PIEZO2: variants seen among roughly 807,000 people sequenced by gnomAD.
The protein encoded by PIEZO2 is piezo type mechanosensitive ion channel component 2.
Under a neutral mutation model 337.3 loss-of-function variants are expected in PIEZO2, and 172 were observed. The ratio of observed to expected loss-of-function variants is 0.51; its 90% CI spans 0.45 to 0.58. The LOEUF (loss-of-function observed/expected upper bound fraction) is 0.58. Ranked by LOEUF, PIEZO2 falls within the 20% of genes least tolerant of loss-of-function variation. The probability of loss-of-function intolerance (pLI) is 0.00; values close to 1 mark genes in which losing one functional copy is unlikely to be tolerated. For synonymous variants in PIEZO2, 1,251 were observed against 1,228.5 expected (o/e 1.02, Z -0.38); for missense variants, 3,028 against 3,391.3 (o/e 0.89, Z 2.66).
rs546753267 is a variant in PIEZO2 at position 10,671,273 on chromosome 18, C to T, written c.*254G>A. 37 of 350,698 alleles carry T rather than the reference C, an allele frequency of 1.1e-4. No homozygotes were observed. Among genetic ancestry groups the T allele is most frequent in the African/African-American group, 3.4e-4 (16 of 47,212 alleles). 21.7% of individuals were successfully genotyped at this position (350,698 alleles called of 1,614,324 possible). On this transcript the variant is annotated 3_prime_UTR_variant, in exon 56 of 56. Transcript: ENST00000674853. ...TTCCTTCACATGATCAATCAGAATG[C>T]GAGACACTGTTGACTAAAACATAAA...
chr18:11,111,115 T>C lies in PIEZO2; in HGVS notation c.64+37410A>G, dbSNP rs909266603. On this transcript the variant is annotated intron_variant, in intron 1 of 55. Coordinates refer to ENST00000674853, the MANE Select transcript of PIEZO2 (RefSeq NM_001378183.1). This position sits in a 1 kb window ranked among gnomAD's most constrained non-coding sequence, Gnocchi z 6.2. The stretch of plus-strand genomic sequence containing the variant: ...AGGTGCCTGCCTCAGTGCCTACAGA[T>C]GCTTCTTCAGGCCCAGGAGCAGGAG... 6.6e-6 allele frequency among the ~76,000 whole-genome samples: 1 copy of C among 152,270 alleles called. No individual in the cohort carries two copies. The highest frequency in any genetic ancestry group is 1.5e-5 in the Non-Finnish European group (1 of 68,004).
At chr18:10,695,995 T>C (rs2035063356) in intron 47 of PIEZO2, 79 bp downstream of exon 47, 5 of 1,354,400 alleles carry the variant, frequency 3.7e-6, no homozygotes, top group Admixed American at 1.7e-5. Context: ...AGTTCTGCTG[T>C]GCAATGCATG....
intron 4 of PIEZO2, among the ~76,000 whole-genome samples, chr18:10,887,072 T>TTTC (rs1424291972): frequency 7.3e-6 from 1 of 136,866 alleles, no homozygotes; most frequent in East Asian, 2.0e-4. Context: ...ACACTTTTTT[T>TTTC]TTTTTTTTTT....
In PIEZO2 at chr18:10,696,380, G is replaced by T. The variant is rs1363496357; in HGVS notation, c.6975+12C>A. ...GGTCAGGGCGGGTGCTGTGGCCTTTGCCCCAACCTACCCCAAAGGCCCAAA... is the reference window on the plus strand; with the variant it reads ...GGTCAGGGCGGGTGCTGTGGCCTTTTCCCCAACCTACCCCAAAGGCCCAAA... On this transcript the variant is annotated intron_variant, in intron 46 of 55. Coordinates refer to ENST00000674853, the MANE Select transcript of PIEZO2 (RefSeq NM_001378183.1). 1.9e-6 allele frequency: 3 copies of T among 1,614,068 alleles called. No individual in the cohort carries two copies. The highest frequency in any genetic ancestry group is 1.3e-5 in the African/African-American group (1 of 74,928).
Position 10,795,349 on chromosome 18 carries a change from T to A in PIEZO2, c.1528-347A>T, listed in dbSNP as rs947412418. Among the ~76,000 whole-genome samples the A allele has an allele frequency of 0.025, 118 of 4,808 alleles. No homozygotes were observed. The highest frequency in any genetic ancestry group is 0.033 in the Non-Finnish European group (69 of 2,092). The allele number at this position is 4,808 out of a possible 152,430, so 3.2% of individuals were successfully genotyped here. On this transcript the variant is annotated intron_variant, in intron 12 of 55. Transcript: ENST00000674853. This position sits in a 1 kb window ranked among gnomAD's most constrained non-coding sequence, Gnocchi z 4.4. ...TTATTTTATTTTATTTTATTTTATT[T>A]TATTATTTTATTTTATTTTATTTTA...
At chr18:11,100,660 G>GA (rs2039385865) in intron 1 of PIEZO2, among the ~76,000 whole-genome samples, 1 of 152,026 alleles carries the variant, frequency 6.6e-6, no homozygotes, top group Non-Finnish European at 1.5e-5. Flanking sequence ...CAGTGGCACA[G>GA]TTTTGGCTCA....
chr18:11,059,289 C>G (rs1017125978), intron 2 of PIEZO2, among the ~76,000 whole-genome samples: 1 of 152,202 alleles, frequency 6.6e-6, no homozygotes, highest in South Asian at 2.1e-4. Flanking sequence ...CCAGTACCAG[C>G]CACTGCAAAA....
intron 8 of PIEZO2, among the ~76,000 whole-genome samples, chr18:10,805,829 G>C (rs552231312): frequency 6.6e-6 from 1 of 152,340 alleles, no homozygotes; most frequent in South Asian, 2.1e-4. Flanking sequence ...TGAGATGGGG[G>C]GGAGGTAGCA....
At chr18:10,720,234 G>GCGTGTATATA (rs1555631512) in intron 36 of PIEZO2, among the ~76,000 whole-genome samples, 8 of 119,918 alleles carry the variant, frequency 6.7e-5, no homozygotes, top group African/African-American at 2.7e-4. Flanking sequence ...GTGTGTGTGT[G>GCGTGTATATA]TATATATATA....
rs2041065632 is a variant in PIEZO2 at position 10,837,845 on chromosome 18, A to T, written c.917+17508T>A. Among the ~76,000 whole-genome samples the T allele has an allele frequency of 6.6e-6, 1 of 152,030 alleles. No individual in the cohort carries two copies. The highest frequency in any genetic ancestry group is 1.5e-5 in the Non-Finnish European group (1 of 68,000). On this transcript the variant is annotated intron_variant, in intron 7 of 55. Coordinates refer to ENST00000674853, the MANE Select transcript of PIEZO2 (RefSeq NM_001378183.1). This position sits in a 1 kb window ranked among gnomAD's most constrained non-coding sequence, Gnocchi z 4.4. ...CAGCTCACTGCAACCTCCACCTCCCAGGTTCAAGTGATTCTCCTGCCTCAG... is the reference window on the plus strand; with the variant it reads ...CAGCTCACTGCAACCTCCACCTCCCTGGTTCAAGTGATTCTCCTGCCTCAG...
chr18:10,748,424 A>T lies in PIEZO2; in HGVS notation c.4424+47T>A. The T allele has an allele frequency of 1.3e-6, 2 of 1,514,168 alleles. No homozygotes were observed. Among genetic ancestry groups the T allele is most frequent in the Non-Finnish European group, 1.8e-6 (2 of 1,128,712 alleles). 93.8% of individuals were successfully genotyped at this position (1,514,168 alleles called of 1,614,324 possible). A position where few individuals can be genotyped will look rare whatever the true frequency, so the allele number is the denominator to read the frequency against. On this transcript the variant is annotated intron_variant, in intron 30 of 55. Coordinates refer to ENST00000674853, the MANE Select transcript of PIEZO2 (RefSeq NM_001378183.1). This position sits in a 1 kb window ranked among gnomAD's most constrained non-coding sequence, Gnocchi z 5.1. ...AGAAATGATAGTGCAATATTATTTC[A>T]GGCAAGTTTCCTGGGAGAAACCACC...
At chr18:11,122,504 A>G (rs2040057046) in intron 1 of PIEZO2, among the ~76,000 whole-genome samples, 10 of 152,178 alleles carry the variant, frequency 6.6e-5, no homozygotes, top group Admixed American at 5.2e-4. Context: ...CATTCACACA[A>G]TATCTTCCAT....
At position 11,129,849 on chromosome 18, in the gene PIEZO2, A is replaced by G. The variant is rs946382604; in HGVS notation, c.64+18676T>C. 2.6e-5 allele frequency among the ~76,000 whole-genome samples: 4 copies of G among 152,316 alleles called. No homozygotes were observed. Among genetic ancestry groups the G allele is most frequent in the African/African-American group, 7.2e-5 (3 of 41,580 alleles). ...GTTAAAGTAGGGGCTTATGGAGGTC[A>G]GGTAATTAATGGAGTTTTAGCTCAG... On this transcript the variant is annotated intron_variant, in intron 1 of 55. Transcript: ENST00000674853. This position sits in a 1 kb window ranked among gnomAD's most constrained non-coding sequence, Gnocchi z 4.6.
In PIEZO2 at chr18:10,717,476, C is replaced by T. The variant is rs9959766; in HGVS notation, c.5089+724G>A. Among the ~76,000 whole-genome samples the T allele has an allele frequency of 2.9e-3, 448 of 152,264 alleles. 3 individuals are homozygous for T. Among genetic ancestry groups the T allele is most frequent in the African/African-American group, 0.01 (434 of 41,544 alleles). On this transcript the variant is annotated intron_variant, in intron 37 of 55. Transcript: ENST00000674853. ...GCCTGCTGATAGATAACCACAAAGG[C>T]GCTCCAAAGCAGACGAAGAGATAAC...
intron 3 of PIEZO2, among the ~76,000 whole-genome samples, chr18:10,917,964 T>C (rs62085204): frequency 0.012 from 1,771 of 152,300 alleles, 32 homozygotes; most frequent in Middle Eastern, 0.068. Flanking sequence ...TACCATGCAT[T>C]GAACACTGAA....
rs2038575559 is a variant in PIEZO2, at chr18:11,077,130, A to T, written c.65-10908T>A. ...GACCTATTTCATTATGAATATAAAG[A>T]GCCCTTCACTGAAATCCACAGTTCC... On this transcript the variant is annotated intron_variant, in intron 1 of 55. Transcript: ENST00000674853. The surrounding 1 kb of genome is among the most constrained non-coding windows in gnomAD (Gnocchi z 4.8). Among the ~76,000 whole-genome samples the T allele has an allele frequency of 6.6e-6, 1 of 152,234 alleles. No homozygotes were observed. The highest frequency in any genetic ancestry group is 2.1e-4 in the South Asian group (1 of 4,834).
chr18:10,762,473 C>T (rs2038175760), intron 23 of PIEZO2, 27 bp downstream of exon 23: 1 of 1,531,760 alleles, frequency 6.5e-7, no homozygotes, highest in African/African-American at 1.4e-5. Flanking sequence ...GAGTGGAGGC[C>T]CAAACTAAGC....
chr18:10,927,372 AG>A, intron 3 of PIEZO2, among the ~76,000 whole-genome samples: 1 of 152,312 alleles, frequency 6.6e-6, no homozygotes, highest in Admixed American at 6.5e-5. Context: ...TGCAGTTTCC[AG>A]GTCTGTTTAA....
chr18:10,681,387 C>G (rs566301212), intron 51 of PIEZO2, among the ~76,000 whole-genome samples: 1 of 152,278 alleles, frequency 6.6e-6, no homozygotes, highest in South Asian at 2.1e-4. Flanking sequence ...GCCTACTAGT[C>G]AAGAGATGAA....
Sources: allele counts gnomAD v4.1 joint callset (sites outside exome capture counted in the v4.1 genomes callset), GRCh38; gene constraint gnomAD v4.1.1; non-coding constraint Gnocchi (gnomAD v3.1); transcripts MANE v1.5; gene names NCBI Gene and HGNC (gene_info 2026-07-23, HGNC 2026-07-21).